Variants in FBXL19 observed in about 807,000 individuals in gnomAD.
FBXL19 encodes F-box and leucine rich repeat protein 19.
FBXL19 carries 16 observed loss-of-function variants against 71.2 expected under a neutral mutation model. The observed-to-expected ratio is 0.22, with a 90% confidence interval of 0.15 to 0.34. The LOEUF is 0.34. Among genes scored for constraint, FBXL19 ranks in the 10% least tolerant of loss-of-function variants. The pLI, the probability that FBXL19 is intolerant of heterozygous loss-of-function variation, is 1.00. For synonymous variants in FBXL19, 447 were observed against 409.4 expected, an observed-to-expected ratio of 1.09 and a Z score of -1.11; for missense variants, 658 against 968.2, an observed-to-expected ratio of 0.68 and a Z score of 4.25.
chr16:30,945,884 T>G (rs2055853813), intron 9 of FBXL19, among the ~76,000 whole-genome samples: 1 of 145,242 alleles, frequency 6.9e-6, no homozygotes, highest in Non-Finnish European at 1.5e-5. Context: ...GGAAAACGTA[T>G]GTATGTCAGA....
intron 7 of FBXL19, among the ~76,000 whole-genome samples, chr16:30,937,535 C>T (rs1342456125): frequency 1.3e-5 from 2 of 152,122 alleles, no homozygotes; most frequent in Non-Finnish European, 2.9e-5. Flanking sequence ...CAGTAGGGCC[C>T]TCAGTGACTG....
rs1297924361 is a variant in FBXL19 at position 30,942,580 on chromosome 16, G to A, written c.1627+44G>A. ...TTTCTGGAGAATGGGCTGGGCAAGG[G>A]TAGGGTAGGAGGCCTCTCAGGTCTC... On this transcript the variant is annotated intron_variant, in intron 9 of 10. Coordinates refer to ENST00000338343, the MANE Select transcript of FBXL19 (RefSeq NM_001382779.1). The surrounding 1 kb of genome is among the most constrained non-coding windows in gnomAD (Gnocchi z 5.7). The A allele has an allele frequency of 6.6e-7, 1 of 1,521,624 alleles. No homozygotes were observed. The highest frequency in any genetic ancestry group is 8.8e-7 in the Non-Finnish European group (1 of 1,132,780). The allele number at this position is 1,521,624 out of a possible 1,614,324, so 94.3% of individuals were successfully genotyped here.
intron 4 of FBXL19, 36 bp downstream of exon 4, chr16:30,927,695 G>A: frequency 6.4e-7 from 1 of 1,558,950 alleles, no homozygotes; most frequent in South Asian, 1.2e-5. Context: ...TGGGTAGGTG[G>A]GTGTTGGGGA....
intron 5 of FBXL19, 83 bp downstream of exon 5, chr16:30,928,046 G>C: frequency 1.0e-6 from 1 of 981,944 alleles, no homozygotes. Flanking sequence ...GGGCTGTGTG[G>C]GCCTGGGAGC....
chr16:30,932,782 G>T (rs1208500917), intron 7 of FBXL19, among the ~76,000 whole-genome samples: 1 of 152,042 alleles, frequency 6.6e-6, no homozygotes, highest in East Asian at 1.9e-4. Context: ...CACTCAGGAG[G>T]CTCTGCGAGG....
At chr16:30,928,115 G>A (rs901715069) in intron 5 of FBXL19, among the ~76,000 whole-genome samples, 152 bp downstream of exon 5, 1 of 151,446 alleles carries the variant, frequency 6.6e-6, no homozygotes, top group Non-Finnish European at 1.5e-5. Context: ...TGGGTGGGGG[G>A]AGGATAGAGC....
intron 7 of FBXL19, among the ~76,000 whole-genome samples, chr16:30,938,558 G>T (rs2055763215): frequency 6.6e-6 from 1 of 152,116 alleles, no homozygotes. Flanking sequence ...GCATTTTTCA[G>T]TGACACAAAA....
At position 30,946,365 on chromosome 16, in the gene FBXL19, G is replaced by A. The variant is rs996589344; in HGVS notation, c.1628-365G>A. Among the ~76,000 whole-genome samples, 1 of 152,046 alleles carries A rather than the reference G, an allele frequency of 6.6e-6. No homozygotes were observed. Among genetic ancestry groups the A allele is most frequent in the African/African-American group, 2.4e-5 (1 of 41,390 alleles). On this transcript the variant is annotated intron_variant, in intron 9 of 10. Coordinates refer to ENST00000338343, the MANE Select transcript of FBXL19 (RefSeq NM_001382779.1). The surrounding 1 kb of genome is among the most constrained non-coding windows in gnomAD (Gnocchi z 6.7). ...ATTACAGGCGCCTGCCACCATACCC[G>A]GCTAATTTTTGTATGTTGAGTAGAG...
Position 30,948,520 on chromosome 16 carries a change from G to A in FBXL19, c.*1290G>A, listed in dbSNP as rs1197817572. 1 of 152,068 alleles carries A rather than the reference G, an allele frequency of 6.6e-6. No individual in the cohort carries two copies. Among genetic ancestry groups the A allele is most frequent in the Non-Finnish European group, 1.5e-5 (1 of 68,010 alleles). 9.4% of individuals were successfully genotyped at this position (152,068 alleles called of 1,614,324 possible). A position where few individuals can be genotyped will look rare whatever the true frequency, so the allele number is the denominator to read the frequency against. ...CGCCCCTCCGCGCAGGCCTCCGGGG[G>A]GCCGGGGCTTACCATGTAGGGGAGG... On this transcript the variant is annotated 3_prime_UTR_variant, in exon 11 of 11. Transcript: ENST00000338343.
chr16:30,930,654 G>T lies in FBXL19; in HGVS notation c.1301+70G>T. Reference sequence around the variant, plus strand: ...CCGCTTGCTGGGTGACCTGCGGTAGGTCTCTGGCCCTCTCTGGGCCTTGCT... The same window carrying T: ...CCGCTTGCTGGGTGACCTGCGGTAGTTCTCTGGCCCTCTCTGGGCCTTGCT... On this transcript the variant is annotated intron_variant, in intron 7 of 10. Coordinates refer to ENST00000338343, the MANE Select transcript of FBXL19 (RefSeq NM_001382779.1). The surrounding 1 kb of genome is among the most constrained non-coding windows in gnomAD (Gnocchi z 8.5). 2 of 1,391,482 alleles carry T rather than the reference G, an allele frequency of 1.4e-6. No individual in the cohort carries two copies. Among genetic ancestry groups the T allele is most frequent in the South Asian group, 3.3e-5 (2 of 59,888 alleles). The allele number at this position is 1,391,482 out of a possible 1,614,324, so 86.2% of individuals were successfully genotyped here.
In FBXL19 at chr16:30,924,376, C is replaced by T. The variant is rs2055564552; in HGVS notation, c.-108C>T. The T allele has an allele frequency of 5.5e-6, 1 of 180,700 alleles. No homozygotes were observed. Among genetic ancestry groups the T allele is most frequent in the Non-Finnish European group, 1.2e-5 (1 of 86,618 alleles). The allele number at this position is 180,700 out of a possible 1,614,324, so 11.2% of individuals were successfully genotyped here. ...CGTTCTGAGCGTTCCGCGCCCCGCG[C>T]CGCCCGGCCCCCCCGCCGCCGATGG... On this transcript the variant is annotated 5_prime_UTR_variant, in exon 1 of 11. Transcript: ENST00000338343.
chr16:30,944,206 AT>A (rs201341124), intron 9 of FBXL19, among the ~76,000 whole-genome samples: 4 of 76,492 alleles, frequency 5.2e-5, no homozygotes, highest in Non-Finnish European at 8.3e-5. Context: ...TAGTTTTTAA[AT>A]TTTTTTTTTA....
chr16:30,938,912 AGGCGTGAGCCAC>A (rs928227424), intron 7 of FBXL19, among the ~76,000 whole-genome samples: 2 of 151,934 alleles, frequency 1.3e-5, no homozygotes, highest in African/African-American at 4.8e-5. Context: ...CTGGGATTAC[AGGCGTGAGCCAC>A]TGCGCCTGGC....
rs537725098 is a variant in FBXL19, at chr16:30,928,168, G to A, written c.627+205G>A. Among the ~76,000 whole-genome samples, 11 of 152,040 alleles carry A rather than the reference G, an allele frequency of 7.2e-5. No homozygotes were observed. The South Asian group carries it at 2.3e-3, about 32-fold the overall frequency. On this transcript the variant is annotated intron_variant, in intron 5 of 10. Transcript: ENST00000338343. The stretch of plus-strand genomic sequence containing the variant: ...GGGGGGGGACAGGTGAGGTGAGCTG[G>A]CACTGCAGGAAGCTTTGGGAGCCCT...
rs2055815799 is a variant in FBXL19 at position 30,942,656 on chromosome 16, G to T, written c.1627+120G>T. ...TATTTGAAGAAAGGAAAGAATACAT[G>T]AGTTTGAATAGGAAGGCCCTGGTTG... On this transcript the variant is annotated intron_variant, in intron 9 of 10. Transcript: ENST00000338343. This position sits in a 1 kb window ranked among gnomAD's most constrained non-coding sequence, Gnocchi z 5.7. 3 of 1,419,838 alleles carry T rather than the reference G, an allele frequency of 2.1e-6. No homozygotes were observed. The highest frequency in any genetic ancestry group is 2.9e-5 in the African/African-American group (2 of 69,468). The allele number at this position is 1,419,838 out of a possible 1,614,324, so 88.0% of individuals were successfully genotyped here.
Position 30,930,870 on chromosome 16 carries a change from G to C in FBXL19, c.1301+286G>C, listed in dbSNP as rs765338744. 6.6e-5 allele frequency among the ~76,000 whole-genome samples: 10 copies of C among 152,182 alleles called. No individual in the cohort carries two copies. The highest frequency in any genetic ancestry group is 1.2e-4 in the Non-Finnish European group (8 of 68,032). On this transcript the variant is annotated intron_variant, in intron 7 of 10. Transcript: ENST00000338343. The surrounding 1 kb of genome is among the most constrained non-coding windows in gnomAD (Gnocchi z 8.5). Reference sequence around the variant, plus strand: ...TGGAAGAGAAGTGGTGGTAGAACTAGGCATTGGAACCTAGGCCCTTTGGCT... The same window carrying C: ...TGGAAGAGAAGTGGTGGTAGAACTACGCATTGGAACCTAGGCCCTTTGGCT...
rs138742543 is a variant in FBXL19, at chr16:30,937,302, C to T, written c.1302-4814C>T. ...CAGGTTCTTGCCCATCTGGAACACA[C>T]ACCCTCCTCCCCCTCCCCTTGCTGA... On this transcript the variant is annotated intron_variant, in intron 7 of 10. Coordinates refer to ENST00000338343, the MANE Select transcript of FBXL19 (RefSeq NM_001382779.1). 4.6e-3 allele frequency among the ~76,000 whole-genome samples: 696 copies of T among 152,112 alleles called. 8 individuals are homozygous for T. The highest frequency in any genetic ancestry group is 0.014 in the Middle Eastern group (4 of 294).
Position 30,924,111 on chromosome 16 carries a change from G to A in FBXL19, c.-373G>A, listed in dbSNP as rs1191519558. ...GGCGGGGTGGGGGGAGGGGAGCTGG[G>A]ACTCGGACCCGGGACTGAGTGGGCC... On this transcript the variant is annotated 5_prime_UTR_variant, in exon 1 of 11. Coordinates refer to ENST00000338343, the MANE Select transcript of FBXL19 (RefSeq NM_001382779.1). 2 of 152,130 alleles carry A rather than the reference G, an allele frequency of 1.3e-5. No individual in the cohort carries two copies. Among genetic ancestry groups the A allele is most frequent in the East Asian group, 3.9e-4 (2 of 5,150 alleles). 9.4% of individuals were successfully genotyped at this position (152,130 alleles called of 1,614,324 possible). A position where few individuals can be genotyped will look rare whatever the true frequency, so the allele number is the denominator to read the frequency against.
rs1414354732 is a variant in FBXL19 at position 30,947,450 on chromosome 16, C to T, written c.*220C>T. On this transcript the variant is annotated 3_prime_UTR_variant, in exon 11 of 11. Coordinates refer to ENST00000338343, the MANE Select transcript of FBXL19 (RefSeq NM_001382779.1). ...CCTTCCTATGTCCTGCCCCTGCTAC[C>T]TGCTTCATTGTCCATCCCCTGGGGG... The T allele has an allele frequency of 5.2e-6, 3 of 571,968 alleles. No individual in the cohort carries two copies. The highest frequency in any genetic ancestry group is 9.4e-6 in the Non-Finnish European group (3 of 320,822). 35.4% of individuals were successfully genotyped at this position (571,968 alleles called of 1,614,324 possible).
Sources: allele counts gnomAD v4.1 joint callset (sites outside exome capture counted in the v4.1 genomes callset), GRCh38; gene constraint gnomAD v4.1.1; non-coding constraint Gnocchi (gnomAD v3.1); transcripts MANE v1.5; gene names NCBI Gene and HGNC (gene_info 2026-07-23, HGNC 2026-07-21).